TMC1: variants seen among roughly 807,000 people sequenced by gnomAD.
TMC1 encodes the protein transmembrane channel-like protein 1.
In TMC1, 84 loss-of-function variants were observed where a neutral mutation model predicts 105.8. That is an observed-to-expected ratio of 0.79 (90% CI 0.67 to 0.95). The LOEUF (loss-of-function observed/expected upper bound fraction) is 0.95, where lower values mean the gene tolerates loss of function less well. TMC1 is among the 40% of genes least tolerant of loss of function. The pLI is 0.00. For synonymous variants in TMC1, 315 were observed against 311.5 expected, an observed-to-expected ratio of 1.01 and a Z score of -0.12; for missense variants, 817 against 914.1, an observed-to-expected ratio of 0.89 and a Z score of 1.37.
intron 7 of TMC1, 34 bp downstream of exon 7, chr9:72,694,748 A>G (rs1826521453): frequency 2.5e-6 from 4 of 1,576,036 alleles, no homozygotes; most frequent in Non-Finnish European, 3.4e-6. Context: ...CAAAAGTTCC[A>G]ATGCTGAAGA....
intron 1 of TMC1, among the ~76,000 whole-genome samples, chr9:72,551,140 G>A (rs1337386983): frequency 6.6e-6 from 1 of 152,164 alleles, no homozygotes; most frequent in African/African-American, 2.4e-5. Flanking sequence ...AATTGGCCCT[G>A]TAGAGGTTAT....
chr9:72,699,162 G>A (rs1372243716), intron 7 of TMC1, among the ~76,000 whole-genome samples: 1 of 152,166 alleles, frequency 6.6e-6, no homozygotes, highest in Non-Finnish European at 1.5e-5. Context: ...ATGTGGTATT[G>A]CATGCCTCGA....
intron 2 of TMC1, among the ~76,000 whole-genome samples, chr9:72,602,725 T>C (rs1416172991): frequency 1.3e-5 from 2 of 152,198 alleles, no homozygotes; most frequent in African/African-American, 4.8e-5. Context: ...TCAGAGACTT[T>C]GGAACCCTGA....
chr9:72,752,249 G>T (rs1827591555), intron 11 of TMC1, among the ~76,000 whole-genome samples: 1 of 151,998 alleles, frequency 6.6e-6, no homozygotes, highest in African/African-American at 2.4e-5. Flanking sequence ...TTCCCAAGGG[G>T]GTCCCTGTTC....
intron 1 of TMC1, among the ~76,000 whole-genome samples, chr9:72,541,104 T>C (rs1468389817): frequency 1.3e-5 from 2 of 152,212 alleles, no homozygotes; most frequent in African/African-American, 2.4e-5. Context: ...TGTTCTTCAG[T>C]TTCCATCTCT....
chr9:72,609,495 G>A (rs1232969308), intron 2 of TMC1, among the ~76,000 whole-genome samples: 1 of 152,122 alleles, frequency 6.6e-6, no homozygotes, highest in Non-Finnish European at 1.5e-5. Flanking sequence ...AGCCGAGATC[G>A]TTCCACTGCA....
chr9:72,737,594 C>T (rs1004644545), intron 8 of TMC1, among the ~76,000 whole-genome samples: 4 of 152,172 alleles, frequency 2.6e-5, no homozygotes, highest in African/African-American at 9.7e-5. Flanking sequence ...TGGGCAAGGT[C>T]ATAGAGACAG....
intron 8 of TMC1, among the ~76,000 whole-genome samples, chr9:72,707,800 T>C (rs1826769553): frequency 1.3e-5 from 2 of 152,192 alleles, no homozygotes; most frequent in Non-Finnish European, 2.9e-5. Context: ...TTTGTTGCAT[T>C]TGCTTTGGGG....
intron 8 of TMC1, among the ~76,000 whole-genome samples, chr9:72,735,395 G>T (rs1476468750): frequency 6.6e-6 from 1 of 152,206 alleles, no homozygotes. Context: ...ATACAAATGA[G>T]TAGGAGAATG....
intron 11 of TMC1, among the ~76,000 whole-genome samples, chr9:72,753,984 T>C (rs960213091): frequency 2.6e-5 from 4 of 152,174 alleles, no homozygotes; most frequent in Admixed American, 6.5e-5. Flanking sequence ...TGAGCAGAGA[T>C]TGATGTCCAG....
intron 10 of TMC1, among the ~76,000 whole-genome samples, chr9:72,744,471 A>G (rs1254084304): frequency 1.3e-5 from 2 of 152,206 alleles, no homozygotes; most frequent in African/African-American, 2.4e-5. Flanking sequence ...TTAGGTTTCA[A>G]CTGTACAGCT....
intron 1 of TMC1, among the ~76,000 whole-genome samples, chr9:72,572,377 T>TA (rs1824303709): frequency 6.6e-6 from 1 of 152,006 alleles, no homozygotes; most frequent in Non-Finnish European, 1.5e-5. Context: ...TGTATTTTAG[T>TA]AGAGATGGTA....
chr9:72,608,301 C>T (rs573429950), intron 2 of TMC1, among the ~76,000 whole-genome samples: 4 of 152,340 alleles, frequency 2.6e-5, no homozygotes, highest in African/African-American at 9.6e-5. Flanking sequence ...TATGAAACGG[C>T]TGCTTGGATC....
At chr9:72,587,432 A>G (rs907057575) in intron 2 of TMC1, among the ~76,000 whole-genome samples, 2 of 152,218 alleles carry the variant, frequency 1.3e-5, no homozygotes, top group African/African-American at 4.8e-5. Context: ...TGCTGGGATT[A>G]CAGGCATGAG....
At chr9:72,652,794 A>G (rs1825833373) in intron 5 of TMC1, among the ~76,000 whole-genome samples, 1 of 152,240 alleles carries the variant, frequency 6.6e-6, no homozygotes, top group Non-Finnish European at 1.5e-5. Context: ...TTTTGTAAGT[A>G]GAAACTGCCT....
intron 3 of TMC1, among the ~76,000 whole-genome samples, chr9:72,627,358 G>A (rs77304059): frequency 6.6e-6 from 1 of 152,094 alleles, no homozygotes; most frequent in East Asian, 1.9e-4. Context: ...GCTTATCCCA[G>A]TGGGGGTCAA....
chr9:72,723,077 C>T (rs1476521876), intron 8 of TMC1, among the ~76,000 whole-genome samples: 1 of 152,106 alleles, frequency 6.6e-6, no homozygotes, highest in African/African-American at 2.4e-5. Context: ...TGAATTAGAG[C>T]TGCCTGTGAG....
intron 1 of TMC1, among the ~76,000 whole-genome samples, chr9:72,549,241 C>A (rs1472670485): frequency 6.6e-6 from 1 of 151,910 alleles, no homozygotes; most frequent in Non-Finnish European, 1.5e-5. Context: ...TTTAATGGTG[C>A]TTTCTGTTCT....
chr9:72,785,361 CTATCAT>C (rs1345258284), intron 13 of TMC1, among the ~76,000 whole-genome samples: 1 of 152,156 alleles, frequency 6.6e-6, no homozygotes, highest in Non-Finnish European at 1.5e-5. Context: ...AACAGCAAAA[CTATCAT>C]TAATTTCTTT....
Sources: gnomAD v4.1 joint callset for allele counts (sites outside exome capture counted in the v4.1 genomes callset) on GRCh38, gnomAD v4.1.1 for gene constraint, MANE v1.5 for transcripts, NCBI Gene and HGNC (gene_info 2026-07-23, HGNC 2026-07-21) for gene names.